Variants in PM20D2 observed in about 807,000 individuals in gnomAD.
PM20D2 encodes peptidase M20 domain containing 2, also known as xaa-Arg dipeptidase.
Under a neutral mutation model 42.9 loss-of-function variants are expected in PM20D2, and 33 were observed. The ratio of observed to expected loss-of-function variants is 0.77; its 90% confidence interval spans 0.58 to 1.03. PM20D2 has a LOEUF of 1.03. Among genes scored for constraint, PM20D2 ranks in the 50% least tolerant of loss-of-function variants. The pLI is 0.00. For missense variants in PM20D2, 548 were observed against 557.0 expected, an observed-to-expected ratio of 0.98 and a Z score of 0.16; for synonymous variants, 250 against 228.2, an observed-to-expected ratio of 1.10 and a Z score of -0.86.
Position 89,146,189 on chromosome 6 carries a change from T to C in PM20D2, c.45T>C (p.Asn15=). Residue 15 remains asparagine, a synonymous_variant, in exon 1 of 7, where the codon AAT becomes AAC. Transcript: ENST00000275072. ...GGCCCGTGGAAGGGGGCGCGTGCAA[T>C]GGCCGCTCCGAGCTGGAGCTACTGA... The part of the protein sequence containing the change: ...GERPVEGGAC[N]GRSELELLKL... The C allele has an allele frequency of 6.5e-7, 1 of 1,543,448 alleles. No individual in the cohort carries two copies. The highest frequency in any genetic ancestry group is 8.7e-7 in the Non-Finnish European group (1 of 1,152,812).
chr6:89,136,645 T>G, the PM20D2 span, among the ~76,000 whole-genome samples: 2 of 150,874 alleles, frequency 1.3e-5, no homozygotes, highest in African/African-American at 5.0e-5. Flanking sequence ...GCCACTGCAC[T>G]CCAGCCTGAG....
At chr6:89,117,867 G>C in the PM20D2 span, 1 of 1,563,294 alleles carries the variant, frequency 6.4e-7, no homozygotes, top group Middle Eastern at 1.7e-4. Context: ...AGGTGTTGGG[G>C]GGCCTCGTGT....
intron 1 of PM20D2, among the ~76,000 whole-genome samples, chr6:89,147,265 C>T (rs79521372): frequency 0.024 from 3,709 of 151,484 alleles, 72 homozygotes; most frequent in African/African-American, 0.046. Context: ...TTATGTTTGT[C>T]GTAGGGCAAG....
chr6:89,111,546 TG>T, the PM20D2 span, among the ~76,000 whole-genome samples: 470 of 152,318 alleles, frequency 3.1e-3, 10 homozygotes, highest in Non-Finnish European at 8.8e-4. Context: ...GCAGTTTTTT[TG>T]TTCATTCCCT....
At chr6:89,152,665 T>G (rs1770892648) in intron 2 of PM20D2, among the ~76,000 whole-genome samples, 1 of 152,164 alleles carries the variant, frequency 6.6e-6, no homozygotes, top group East Asian at 1.9e-4. Context: ...TAAGACAGAA[T>G]TTCTGATTTT....
the PM20D2 span, among the ~76,000 whole-genome samples, chr6:89,130,671 G>A: frequency 2.6e-5 from 4 of 152,022 alleles, no homozygotes; most frequent in South Asian, 8.3e-4. Context: ...TGTTGCCCAG[G>A]CTGGTCTCAA....
chr6:89,101,001 A>G, the PM20D2 span, among the ~76,000 whole-genome samples: 1 of 151,836 alleles, frequency 6.6e-6, no homozygotes, highest in African/African-American at 2.4e-5. Flanking sequence ...GCTACTTAGG[A>G]GGCTGAGGCA....
At chr6:89,151,868 T>G (rs1215453725) in intron 2 of PM20D2, among the ~76,000 whole-genome samples, 1 of 151,924 alleles carries the variant, frequency 6.6e-6, no homozygotes, top group African/African-American at 2.4e-5. Context: ...CAGGAGAGTC[T>G]CTTGAGCCCA....
chr6:89,109,329 T>C, the PM20D2 span, among the ~76,000 whole-genome samples: 7 of 152,356 alleles, frequency 4.6e-5, 1 homozygote, highest in South Asian at 1.2e-3. Flanking sequence ...TTCACCAGCA[T>C]ATCTCTGTAC....
intron 5 of PM20D2, among the ~76,000 whole-genome samples, chr6:89,160,231 C>G (rs1771190221): frequency 6.6e-6 from 1 of 152,156 alleles, no homozygotes; most frequent in Non-Finnish European, 1.5e-5. Context: ...TGAAGCAGTA[C>G]TTCTATAGAG....
intron 4 of PM20D2, among the ~76,000 whole-genome samples, chr6:89,157,316 C>T (rs142782079): frequency 4.5e-4 from 68 of 152,126 alleles, no homozygotes; most frequent in Admixed American, 2.3e-3. Context: ...TAATTTCTAC[C>T]GTAGATGTTG....
the PM20D2 span, chr6:89,098,676 C>T: frequency 4.3e-6 from 7 of 1,613,902 alleles, no homozygotes; most frequent in Non-Finnish European, 5.9e-6. Flanking sequence ...TTGGTATACC[C>T]TTTGGGAGAT....
At chr6:89,094,667 G>T in the PM20D2 span, among the ~76,000 whole-genome samples, 1 of 152,016 alleles carries the variant, frequency 6.6e-6, no homozygotes, top group African/African-American at 2.4e-5. Flanking sequence ...AAATGCTAAG[G>T]TGCATAATCC....
intron 2 of PM20D2, among the ~76,000 whole-genome samples, chr6:89,152,074 G>A (rs2127777060): frequency 6.6e-6 from 1 of 151,360 alleles, no homozygotes; most frequent in East Asian, 1.9e-4. Flanking sequence ...CAGCCAGGGT[G>A]ACAGAGGGAG....
At chr6:89,120,275 A>G in the PM20D2 span, among the ~76,000 whole-genome samples, 1 of 152,190 alleles carries the variant, frequency 6.6e-6, no homozygotes, top group Non-Finnish European at 1.5e-5. Flanking sequence ...TCTTATAAGG[A>G]CATTTGTCGT....
At chr6:89,123,988 G>A in the PM20D2 span, among the ~76,000 whole-genome samples, 1 of 152,126 alleles carries the variant, frequency 6.6e-6, no homozygotes, top group Non-Finnish European at 1.5e-5. Context: ...AGTGAGCTGT[G>A]TTCGTGCCAC....
chr6:89,106,738 C>CT, the PM20D2 span: 1 of 327,874 alleles, frequency 3.0e-6, no homozygotes, highest in Non-Finnish European at 6.1e-6. Flanking sequence ...GCAAGATGGA[C>CT]TTTATAAGAG....
chr6:89,146,024 T>C, upstream of PM20D2: 1 of 857,150 alleles, frequency 1.2e-6, no homozygotes, highest in Non-Finnish European at 1.6e-6. Context: ...CCCTGGGAGC[T>C]GTGTGGCCGC....
At chr6:89,158,585 A>C (rs1180237869) in intron 5 of PM20D2, 125 bp downstream of exon 5, 2 of 1,062,670 alleles carry the variant, frequency 1.9e-6, no homozygotes, top group African/African-American at 1.6e-5. Context: ...ATATTTTCAC[A>C]AACTTTATGG....
Sources: allele counts gnomAD v4.1 joint callset (sites outside exome capture counted in the v4.1 genomes callset), GRCh38; gene constraint gnomAD v4.1.1; transcripts MANE v1.5; gene names NCBI Gene and HGNC (gene_info 2026-07-23, HGNC 2026-07-21).